BIRC6: variants seen among roughly 807,000 people sequenced by gnomAD.
BIRC6 encodes baculoviral IAP repeat containing 6.
Under a neutral mutation model 503.3 loss-of-function variants are expected in BIRC6, and 98 were observed. The observed-to-expected ratio is 0.19, with a 90% CI of 0.17 to 0.23. The LOEUF (loss-of-function observed/expected upper bound fraction) is 0.23, where lower values mean the gene tolerates loss of function less well. Among genes scored for constraint, BIRC6 ranks in the 10% least tolerant of loss-of-function variants. The pLI is 1.00. For synonymous variants in BIRC6, 2,240 were observed against 2,078.7 expected (o/e 1.08, Z -2.11); for missense variants, 5,360 against 5,806.0 (o/e 0.92, Z 2.50).
chr2:32,513,712 C>T (rs909215697), intron 54 of BIRC6, among the ~76,000 whole-genome samples: 3 of 152,180 alleles, frequency 2.0e-5, no homozygotes, highest in Admixed American at 1.3e-4. Context: ...AGTTCGAGAC[C>T]AGCCTGGCCA....
intron 45 of BIRC6, among the ~76,000 whole-genome samples, chr2:32,497,634 T>C (rs2052629654): frequency 6.6e-6 from 1 of 152,208 alleles, no homozygotes; most frequent in South Asian, 2.1e-4. Flanking sequence ...AGTGGAAATA[T>C]GTATATGTAT....
At chr2:32,429,423 A>G (rs1371067889) in intron 11 of BIRC6, 128 bp downstream of exon 11, 5 of 695,872 alleles carry the variant, frequency 7.2e-6, no homozygotes, top group South Asian at 7.0e-5. Flanking sequence ...ATGTTACTCA[A>G]TATTTGTGAA....
intron 73 of BIRC6, among the ~76,000 whole-genome samples, chr2:32,616,569 A>C (rs1350544542): frequency 6.7e-6 from 1 of 150,118 alleles, no homozygotes; most frequent in Non-Finnish European, 1.5e-5. Flanking sequence ...TCAAAAAAAA[A>C]AAAAAAAAAA....
At chr2:32,565,304 A>G (rs1286121577) in intron 65 of BIRC6, 1 of 152,242 alleles carries the variant, frequency 6.6e-6, no homozygotes, top group East Asian at 1.9e-4. Context: ...ACTATGGAGT[A>G]TCTAGTTTTT....
intron 6 of BIRC6, among the ~76,000 whole-genome samples, chr2:32,399,942 C>G (rs1215177666): frequency 6.6e-6 from 1 of 151,920 alleles, no homozygotes; most frequent in East Asian, 1.9e-4. Flanking sequence ...CACATGCTAC[C>G]ACACCCAGCT....
intron 73 of BIRC6, among the ~76,000 whole-genome samples, chr2:32,616,245 G>GATAGGCTGGGTGCAGTTCT: frequency 6.6e-6 from 1 of 151,954 alleles, no homozygotes; most frequent in African/African-American, 2.4e-5. Context: ...AAGTTCTAAT[G>GATAGGCTGGGTGCAGTTCT]ATAGGCTGGG....
In BIRC6 at chr2:32,467,913, T is replaced by G; in HGVS notation, c.5582T>G (p.Ile1861Ser). The G allele has an allele frequency of 6.2e-7, 1 of 1,612,474 alleles. No individual in the cohort carries two copies. Among genetic ancestry groups the G allele is most frequent in the South Asian group, 1.1e-5 (1 of 90,838 alleles). The change falls in exon 28 of 74, where the codon ATT (isoleucine) becomes AGT (serine). Residue 1861 changes from isoleucine to serine, a missense_variant. Physicochemically the swap from Ile to Ser is moderately radical, Grantham distance 142 (BLOSUM62 -2). Transcript: ENST00000421745. ...AATTTTTCATTTCAGATCACTGTTATTGGACGTTACGGGAGTACAAATGCC... is the reference window on the plus strand; with the variant it reads ...AATTTTTCATTTCAGATCACTGTTAGTGGACGTTACGGGAGTACAAATGCC... ...PVCRFMKITV[I>S]GRYGSTNARA...
At position 32,440,751 on chromosome 2, in the gene BIRC6, T is replaced by TTTTTTTATTATTATTATTATTATTA. The variant is rs773312894; in HGVS notation, c.3811-576_3811-575insTTTTATTATTATTATTATTATTATT. Reference sequence around the variant, plus strand: ...TATTTTATTTTATTGTGTTTATTTATTTATTATTATTATTATTATTATTAT... The same window carrying TTTTTTTATTATTATTATTATTATTA: ...TATTTTATTTTATTGTGTTTATTTATTTTTTTATTATTATTATTATTATTATTATTATTATTATTATTATTATTAT... On this transcript the variant is annotated intron_variant, in intron 16 of 73. Coordinates refer to ENST00000421745, the MANE Select transcript of BIRC6 (RefSeq NM_016252.4). Among the ~76,000 whole-genome samples the TTTTTTTATTATTATTATTATTATTA allele has an allele frequency of 4.9e-3, 714 of 147,168 alleles. 5 individuals are homozygous for TTTTTTTATTATTATTATTATTATTA. Among genetic ancestry groups the TTTTTTTATTATTATTATTATTATTA allele is most frequent in the Non-Finnish European group, 8.9e-3 (597 of 67,008 alleles).
At position 32,414,811 on chromosome 2, in the gene BIRC6, T is replaced by C; in HGVS notation, c.1520T>C (p.Ile507Thr). 6.2e-7 allele frequency: 1 copy of C among 1,613,956 alleles called. No homozygotes were observed. The highest frequency in any genetic ancestry group is 8.5e-7 in the Non-Finnish European group (1 of 1,179,882). ...QKEAMEVSLD[I>T]TALSILQQPE... Reference sequence around the variant, plus strand: ...GAAGCCATGGAAGTAAGCCTTGATATAACAGCACTCAGCATTCTCCAACAG... The same window carrying C: ...GAAGCCATGGAAGTAAGCCTTGATACAACAGCACTCAGCATTCTCCAACAG... Residue 507 changes from isoleucine to threonine, a missense_variant, in exon 10 of 74, where the codon ATA becomes ACA. Around this residue, in one of 16 missense-constraint regions of BIRC6, gnomAD observed 700 missense variants for 739.3 expected, o/e 0.95. Coordinates refer to ENST00000421745, the MANE Select transcript of BIRC6 (RefSeq NM_016252.4).
rs2049895354 is a variant in BIRC6, at chr2:32,477,456, C to A, written c.6941C>A (p.Pro2314His). 6.2e-7 allele frequency: 1 copy of A among 1,613,852 alleles called. No individual in the cohort carries two copies. The highest frequency in any genetic ancestry group is 1.3e-5 in the African/African-American group (1 of 74,916). The change falls in exon 35 of 74, where the codon CCT becomes CAT. Residue 2314 changes from proline (P) to histidine (H), a missense_variant. This residue lies in a region of BIRC6 where 2,299 missense variants were observed against 2,267.2 expected (regional missense o/e 1.01). Transcript: ENST00000421745. ...GAAGTTACAACAGCAAAAGAAAGTC[C>A]TGAGATAGAACCACTTCCATTTACT... ...DTEVTTAKESPEIEPLPFTLA... is the reference protein window; with the variant it reads ...DTEVTTAKESHEIEPLPFTLA...
At chr2:32,501,965 A>AT in intron 47 of BIRC6, 77 bp downstream of exon 47, 1 of 1,302,728 alleles carries the variant, frequency 7.7e-7, no homozygotes, top group East Asian at 2.3e-5. Flanking sequence ...CAGGACAAAG[A>AT]TAAATAAGTA....
chr2:32,528,006 C>T (rs2056418700), intron 59 of BIRC6: 1 of 152,126 alleles, frequency 6.6e-6, no homozygotes, highest in Non-Finnish European at 1.5e-5. Context: ...GACTTCTGAG[C>T]TAAAAACCAT....
chr2:32,481,090 A>C (rs969021242), intron 37 of BIRC6, among the ~76,000 whole-genome samples: 2 of 152,180 alleles, frequency 1.3e-5, no homozygotes, highest in Non-Finnish European at 2.9e-5. Context: ...AAGTTTATGC[A>C]ACTTACTTCA....
rs1444188858 is a variant in BIRC6, at chr2:32,476,315, C to G, written c.6823C>G (p.Gln2275Glu). ...ATCATCATATAAACTCCTGGTAGAACAAGCAAAACTAAAGCAGGCCACTTC... is the reference window on the plus strand; with the variant it reads ...ATCATCATATAAACTCCTGGTAGAAGAAGCAAAACTAAAGCAGGCCACTTC... Reference protein sequence around the residue: ...KGSSYKLLVEQAKLKQATSKH... With the variant: ...KGSSYKLLVEEAKLKQATSKH... Residue 2275 changes from glutamine (Q) to glutamate (E), a missense_variant, in exon 34 of 74, where the codon CAA (glutamine) becomes GAA (glutamate). By Grantham distance (29) the Gln-to-Glu change is conservative. Around this residue, in one of 16 missense-constraint regions of BIRC6, gnomAD observed 2,299 missense variants for 2,267.2 expected, o/e 1.01. Transcript: ENST00000421745. 6 of 1,576,822 alleles carry G rather than the reference C, an allele frequency of 3.8e-6. No homozygotes were observed. Among genetic ancestry groups the G allele is most frequent in the Non-Finnish European group, 5.2e-6 (6 of 1,159,802 alleles).
Position 32,518,959 on chromosome 2 carries a change from T to G in BIRC6, c.11623+13T>G. The G allele has an allele frequency of 1.2e-6, 2 of 1,610,252 alleles. No individual in the cohort carries two copies. The highest frequency in any genetic ancestry group is 1.7e-6 in the Non-Finnish European group (2 of 1,177,398). On this transcript the variant is annotated intron_variant, in intron 57 of 73. Coordinates refer to ENST00000421745, the MANE Select transcript of BIRC6 (RefSeq NM_016252.4). Reference sequence around the variant, plus strand: ...GACAGAGTGTCAGGCAAGTCAGATTTAAGTATTAGTTTTTGTTTAACTTTA... The same window carrying G: ...GACAGAGTGTCAGGCAAGTCAGATTGAAGTATTAGTTTTTGTTTAACTTTA...
intron 23 of BIRC6, among the ~76,000 whole-genome samples, chr2:32,462,338 A>T (rs1332676382): frequency 6.6e-6 from 1 of 152,244 alleles, no homozygotes; most frequent in Non-Finnish European, 1.5e-5. Context: ...TTTCTCATAA[A>T]TATTGGAAAA....
In BIRC6 at chr2:32,587,072, C is replaced by T. The variant is rs1166655847; in HGVS notation, c.13356-6843C>T. Among the ~76,000 whole-genome samples the T allele has an allele frequency of 3.9e-5, 6 of 152,284 alleles. No individual in the cohort carries two copies. In the South Asian group the frequency reaches 1.0e-3, roughly 26 times the overall value. On this transcript the variant is annotated intron_variant, in intron 66 of 73. Transcript: ENST00000421745. ...AGAGCATGGAGCTTCTGAGCTGGTT[C>T]TAATATTTAGGATATTTAAGAATTA...
intron 57 of BIRC6, among the ~76,000 whole-genome samples, chr2:32,523,986 G>C (rs1270371801): frequency 6.6e-6 from 1 of 151,222 alleles, no homozygotes; most frequent in African/African-American, 2.4e-5. Flanking sequence ...TGAGGCTGCA[G>C]TGAACCGCGA....
chr2:32,501,702 A>G lies in BIRC6; in HGVS notation c.9032-11A>G, dbSNP rs764635466. On this transcript the variant is annotated splice_polypyrimidine_tract_variant and intron_variant, in intron 46 of 73. Coordinates refer to ENST00000421745, the MANE Select transcript of BIRC6 (RefSeq NM_016252.4). ...ATATACTTTTAATGTGGTATCTTTT[A>G]TTTTTCTTAGGAGCAAGTGGATTAC... The G allele has an allele frequency of 3.1e-6, 5 of 1,603,060 alleles. No homozygotes were observed. The highest frequency in any genetic ancestry group is 4.3e-6 in the Non-Finnish European group (5 of 1,176,006).
Sources: allele counts gnomAD v4.1 joint callset (sites outside exome capture counted in the v4.1 genomes callset), GRCh38; gene constraint gnomAD v4.1.1; regional missense constraint gnomAD v4.1.1; transcripts MANE v1.5; gene names NCBI Gene and HGNC (gene_info 2026-07-23, HGNC 2026-07-21).